Variants in PGGT1B observed in about 807,000 individuals in gnomAD.
PGGT1B encodes the protein geranylgeranyl transferase type-1 subunit beta.
PGGT1B carries 30 observed loss-of-function variants against 46.1 expected under a neutral mutation model. The ratio of observed to expected loss-of-function variants is 0.65; its 90% CI spans 0.49 to 0.88. The LOEUF is 0.88. Ranked by LOEUF, PGGT1B falls within the 40% of genes least tolerant of loss-of-function variation. The pLI is 0.00. For synonymous variants in PGGT1B, 170 were observed against 160.0 expected, an observed-to-expected ratio of 1.06 and a Z score of -0.47; for missense variants, 376 against 455.9, an observed-to-expected ratio of 0.82 and a Z score of 1.60.
chr5:115,217,010 A>G (rs1351786513), intron 7 of PGGT1B, 37 bp from the exon 8 acceptor site: 1 of 900,066 alleles, frequency 1.1e-6, no homozygotes, highest in Non-Finnish European at 1.8e-6. Context: ...TACTGACATA[A>G]AACTCATATC....
Position 115,240,313 on chromosome 5 carries a change from C to G in PGGT1B, c.327+1226G>C, listed in dbSNP as rs138774496. On this transcript the variant is annotated intron_variant, in intron 3 of 8. Coordinates refer to ENST00000419445, the MANE Select transcript of PGGT1B (RefSeq NM_005023.4). ...TGCAGGCGTTGGTTGGGGGAAGGAT[C>G]ATATTTTAAAAGTAATGTTATTAAA... 1.7e-3 allele frequency among the ~76,000 whole-genome samples: 255 copies of G among 152,172 alleles called. 2 individuals carry two copies. Among genetic ancestry groups the G allele is most frequent in the African/African-American group, 5.8e-3 (240 of 41,476 alleles).
At chr5:115,221,170 T>C (rs1477371041) in intron 7 of PGGT1B, among the ~76,000 whole-genome samples, 2 of 151,944 alleles carry the variant, frequency 1.3e-5, no homozygotes, top group Non-Finnish European at 1.5e-5. Context: ...AAGACAAACA[T>C]GGACTCCTCT....
chr5:115,211,603 A>T lies in PGGT1B; in HGVS notation c.*799T>A, dbSNP rs1476712537. 1 of 77,986 alleles carries T rather than the reference A, an allele frequency of 1.3e-5. No individual in the cohort carries two copies. The highest frequency in any genetic ancestry group is 3.0e-5 in the Non-Finnish European group (1 of 33,750). 4.8% of individuals were successfully genotyped at this position (77,986 alleles called of 1,614,324 possible). ...ATTGTTTTCTTCCTAGAAAGCAAAA[A>T]AAAAAAAAAAAAAAAAAAGGCAACT... On this transcript the variant is annotated 3_prime_UTR_variant, in exon 9 of 9. Coordinates refer to ENST00000419445, the MANE Select transcript of PGGT1B (RefSeq NM_005023.4).
intron 6 of PGGT1B, among the ~76,000 whole-genome samples, chr5:115,222,703 T>C (rs1420573465): frequency 6.6e-6 from 1 of 152,156 alleles, no homozygotes; most frequent in Non-Finnish European, 1.5e-5. Flanking sequence ...CTATTCACAA[T>C]AGCAAAGACT....
rs777504464 is a variant in PGGT1B at position 115,253,274 on chromosome 5, A to G, written c.141-19T>C. 4.5e-6 allele frequency: 7 copies of G among 1,567,188 alleles called. No individual in the cohort carries two copies. The South Asian group carries it at 8.4e-5, about 19-fold the overall frequency. Reference sequence around the variant, plus strand: ...TGTCAACCTAAAAGAAAAAAATGTAAAATTCCATCTTAACTATCATACCAC... The same window carrying G: ...TGTCAACCTAAAAGAAAAAAATGTAGAATTCCATCTTAACTATCATACCAC... On this transcript the variant is annotated intron_variant, in intron 1 of 8. Transcript: ENST00000419445.
intron 5 of PGGT1B, among the ~76,000 whole-genome samples, chr5:115,234,520 G>A (rs1213387298): frequency 1.3e-5 from 2 of 151,946 alleles, no homozygotes; most frequent in African/African-American, 4.8e-5. Context: ...GTTGTGGGCA[G>A]GAGAGAGCTA....
chr5:115,238,812 G>C (rs938078619), intron 3 of PGGT1B, among the ~76,000 whole-genome samples: 2 of 152,104 alleles, frequency 1.3e-5, no homozygotes, highest in African/African-American at 2.4e-5. Context: ...GATTAAGTAA[G>C]TTACTGTCTA....
chr5:115,239,979 T>G (rs1363716393), intron 3 of PGGT1B, among the ~76,000 whole-genome samples: 1 of 152,190 alleles, frequency 6.6e-6, no homozygotes, highest in South Asian at 2.1e-4. Flanking sequence ...GTGACAATAT[T>G]TTATTCATAT....
At chr5:115,253,105 C>A (rs1300174362) in intron 2 of PGGT1B, 32 bp downstream of exon 2, 1 of 1,591,304 alleles carries the variant, frequency 6.3e-7, no homozygotes, top group South Asian at 1.1e-5. Context: ...CAACCAGTCA[C>A]ACTAAAAATA....
At chr5:115,248,260 A>G (rs968389138) in intron 2 of PGGT1B, among the ~76,000 whole-genome samples, 11 of 152,226 alleles carry the variant, frequency 7.2e-5, no homozygotes, top group African/African-American at 2.7e-4. Flanking sequence ...AAAAACATGC[A>G]TGGTAAACAG....
At chr5:115,219,201 C>T (rs1756514800) in intron 7 of PGGT1B, among the ~76,000 whole-genome samples, 1 of 151,810 alleles carries the variant, frequency 6.6e-6, no homozygotes, top group Non-Finnish European at 1.5e-5. Context: ...TTGAAACTTA[C>T]TACAAAGCTA....
chr5:115,230,130 A>G (rs1251426588), intron 6 of PGGT1B, among the ~76,000 whole-genome samples: 2 of 152,088 alleles, frequency 1.3e-5, no homozygotes, highest in Non-Finnish European at 1.5e-5. Context: ...CTAAAGAAAG[A>G]TGGAATTCTT....
At chr5:115,221,771 C>G in intron 7 of PGGT1B, 53 bp downstream of exon 7, 1 of 1,125,390 alleles carries the variant, frequency 8.9e-7, no homozygotes, top group Non-Finnish European at 1.2e-6. Context: ...CTTTTTAGCA[C>G]AATCTATATG....
chr5:115,252,481 T>C (rs1359195717), intron 2 of PGGT1B, among the ~76,000 whole-genome samples: 1 of 151,984 alleles, frequency 6.6e-6, no homozygotes, highest in South Asian at 2.1e-4. Flanking sequence ...AGTTTGTTTG[T>C]TTGATGTTTT....
At chr5:115,226,773 T>TA (rs1756798411) in intron 6 of PGGT1B, among the ~76,000 whole-genome samples, 1 of 151,806 alleles carries the variant, frequency 6.6e-6, no homozygotes, top group Non-Finnish European at 1.5e-5. Flanking sequence ...GTAAGTACCA[T>TA]AAAAATGGCA....
At position 115,244,389 on chromosome 5, in the gene PGGT1B, C is replaced by T. The variant is rs542340438; in HGVS notation, c.260-2783G>A. Reference sequence around the variant, plus strand: ...CTGAGGCAGGAAAATGGCATGAACCCGGGAGGCGGAGCTTGCAGTGAGCTA... The same window carrying T: ...CTGAGGCAGGAAAATGGCATGAACCTGGGAGGCGGAGCTTGCAGTGAGCTA... On this transcript the variant is annotated intron_variant, in intron 2 of 8. Coordinates refer to ENST00000419445, the MANE Select transcript of PGGT1B (RefSeq NM_005023.4). 1.4e-4 allele frequency among the ~76,000 whole-genome samples: 18 copies of T among 125,242 alleles called. No homozygotes were observed. The South Asian group carries it at 5.0e-3, about 35-fold the overall frequency. The allele number at this position is 125,242 out of a possible 152,430, so 82.2% of individuals were successfully genotyped here.
chr5:115,251,232 G>C (rs532830702), intron 2 of PGGT1B, among the ~76,000 whole-genome samples: 2 of 152,148 alleles, frequency 1.3e-5, no homozygotes, highest in African/African-American at 2.4e-5. Flanking sequence ...GAGAGTTCCA[G>C]TTTGCTACAT....
chr5:115,253,934 A>G (rs1748206868), intron 1 of PGGT1B, among the ~76,000 whole-genome samples: 1 of 152,008 alleles, frequency 6.6e-6, no homozygotes, highest in Non-Finnish European at 1.5e-5. Context: ...GATGGCTTTG[A>G]ACACAAAGAA....
chr5:115,230,735 A>G (rs1262581535), intron 6 of PGGT1B, among the ~76,000 whole-genome samples: 1 of 152,134 alleles, frequency 6.6e-6, no homozygotes, highest in African/African-American at 2.4e-5. Flanking sequence ...TAACACTTGA[A>G]TAGATTACTA....
Sources: gnomAD v4.1 joint callset for allele counts (sites outside exome capture counted in the v4.1 genomes callset) on GRCh38, gnomAD v4.1.1 for gene constraint, MANE v1.5 for transcripts, NCBI Gene and HGNC (gene_info 2026-07-23, HGNC 2026-07-21) for gene names.